The following ACTR5 variants were observed in gnomAD, a reference collection of about 807,000 sequenced individuals.
The protein encoded by ACTR5 is actin related protein 5, also known as actin-related protein 5.
Under a neutral mutation model 61.2 loss-of-function variants are expected in ACTR5, and 43 were observed. That is an observed-to-expected ratio of 0.70 (90% CI 0.55 to 0.91). The LOEUF is 0.91. Ranked by LOEUF, ACTR5 falls within the 40% of genes least tolerant of loss-of-function variation. ACTR5 has a pLI of 0.00. For missense variants in ACTR5, 798 were observed against 782.2 expected (o/e 1.02, Z -0.24); for synonymous variants, 333 against 310.5 (o/e 1.07, Z -0.76).
intron 5 of ACTR5, among the ~76,000 whole-genome samples, chr20:38,763,205 C>A (rs2084465136): frequency 1.3e-5 from 2 of 152,286 alleles, no homozygotes; most frequent in African/African-American, 4.8e-5. Context: ...AGATGACAAA[C>A]CACCAAATGA....
chr20:38,766,120 A>T, intron 6 of ACTR5, 118 bp from the exon 7 acceptor site: 1 of 1,128,334 alleles, frequency 8.9e-7, no homozygotes, highest in Non-Finnish European at 1.3e-6. Flanking sequence ...GAGAAGCTAT[A>T]CTGGCATTAA....
intron 5 of ACTR5, among the ~76,000 whole-genome samples, chr20:38,759,219 T>C (rs6128907): frequency 0.17 from 25,952 of 152,202 alleles, 2,174 homozygotes; most frequent in Admixed American, 0.19. Flanking sequence ...TGGCCTCTGC[T>C]TCTTCTTATG....
chr20:38,752,279 A>G lies in ACTR5; in HGVS notation c.754A>G (p.Ile252Val), dbSNP rs780128929. The change falls in exon 3 of 9, where the codon ATC becomes GTC. Residue 252 changes from isoleucine to valine, a missense_variant. Physicochemically the swap from Ile to Val is conservative, Grantham distance 29. Coordinates refer to ENST00000243903, the MANE Select transcript of ACTR5 (RefSeq NM_024855.4). ...MEEILHEHSY[I>V]AEDYVEELHK... ...GGAGATTCTGCATGAGCACAGCTAC[A>G]TCGCTGAGGATTATGTGGAAGGTAT... is the stretch of plus-strand genomic sequence containing the variant. 6.8e-6 allele frequency: 11 copies of G among 1,610,446 alleles called. No individual in the cohort carries two copies. The highest frequency in any genetic ancestry group is 2.7e-5 in the African/African-American group (2 of 74,868).
Position 38,748,712 on chromosome 20 carries a change from G to C in ACTR5, c.234G>C (p.Pro78=). The C allele has an allele frequency of 6.5e-7, 1 of 1,538,318 alleles. No individual in the cohort carries two copies. The highest frequency in any genetic ancestry group is 2.6e-5 in the East Asian group (1 of 39,198). ...GCGGGGCACGGGGCGCGTCGGGCCC[G>C]CAGGTGGGGAACGCTCTGGGCAGCC... ...GRGGARGASG[P]QVGNALGSLE... Residue 78 remains proline (P), a synonymous_variant, in exon 1 of 9, where the codon CCG becomes CCC. Coordinates refer to ENST00000243903, the MANE Select transcript of ACTR5 (RefSeq NM_024855.4).
chr20:38,750,110 C>T lies in ACTR5; in HGVS notation c.476C>T (p.Pro159Leu). 6.2e-7 allele frequency: 1 copy of T among 1,614,128 alleles called. No homozygotes were observed. Among genetic ancestry groups the T allele is most frequent in the Non-Finnish European group, 8.5e-7 (1 of 1,180,024 alleles). ...CTTCTTTTTGAGTGCTACGGGATTC[C>T]CAAGGTTGCCTATGGAATAGACAGC... Reference protein sequence around the residue: ...SELLFECYGIPKVAYGIDSLF... With the variant: ...SELLFECYGILKVAYGIDSLF... The change falls in exon 2 of 9, where the codon CCC (proline) becomes CTC (leucine). Residue 159 changes from proline (P) to leucine (L), a missense_variant. Physicochemically the swap from Pro to Leu is moderately conservative, Grantham distance 98. Transcript: ENST00000243903.
chr20:38,758,433 G>A (rs1209479204), intron 5 of ACTR5, among the ~76,000 whole-genome samples: 1 of 152,150 alleles, frequency 6.6e-6, no homozygotes, highest in African/African-American at 2.4e-5. Context: ...GATCACCTGA[G>A]GTCAGGAATT....
rs980004817 is a variant in ACTR5 at position 38,752,030 on chromosome 20, GT to G, written c.606-98del. On this transcript the variant is annotated intron_variant, in intron 2 of 8. Coordinates refer to ENST00000243903, the MANE Select transcript of ACTR5 (RefSeq NM_024855.4). ...GGTTTTGTATTTCTCCTGCTGGTCT[GT>G]TTCTTCTTTATCTGCCTTAAATTAT... The G allele has an allele frequency of 2.0e-5, 27 of 1,351,256 alleles. No individual in the cohort carries two copies. The African/African-American group carries it at 3.9e-4, about 20-fold the overall frequency. The allele number at this position is 1,351,256 out of a possible 1,614,324, so 83.7% of individuals were successfully genotyped here.
In ACTR5 at chr20:38,771,607, G is replaced by C; in HGVS notation, c.1615G>C (p.Asp539His). ...PVLDAWYGAR[D>H]WALNHLDDNE... is the part of the protein sequence containing the mutation. ...GCTGGATGCCTGGTACGGTGCTCGT[G>C]ACTGGGCCTTGAACCACCTAGATGA... Residue 539 changes from aspartate to histidine, a missense_variant, in exon 9 of 9, where the codon GAC becomes CAC. Coordinates refer to ENST00000243903, the MANE Select transcript of ACTR5 (RefSeq NM_024855.4). 6.2e-7 allele frequency: 1 copy of C among 1,614,142 alleles called. No homozygotes were observed. Among genetic ancestry groups the C allele is most frequent in the South Asian group, 1.1e-5 (1 of 91,062 alleles).
At chr20:38,749,021 C>T (rs1257530933) in intron 1 of ACTR5, among the ~76,000 whole-genome samples, 168 bp downstream of exon 1, 1 of 152,178 alleles carries the variant, frequency 6.6e-6, no homozygotes, top group Non-Finnish European at 1.5e-5. Context: ...AAATGCTGCT[C>T]CTTGTATCTT....
chr20:38,765,447 A>T lies in ACTR5; in HGVS notation c.1222A>T (p.Ser408Cys), dbSNP rs749930437. 2.5e-6 allele frequency: 4 copies of T among 1,614,072 alleles called. No individual in the cohort carries two copies. The Admixed American group carries it at 5.0e-5, about 20-fold the overall frequency. The change falls in exon 6 of 9, where the codon AGC becomes TGC. Residue 408 changes from serine (S) to cysteine (C), a missense_variant. Physicochemically the swap from Ser to Cys is moderately radical, Grantham distance 112. Coordinates refer to ENST00000243903, the MANE Select transcript of ACTR5 (RefSeq NM_024855.4). ...GGAGCCGTCTTTGGAAGATGTGGAA[A>T]GCATGAATGATTTTGATCCCTTGTT... ...QLEPSLEDVE[S>C]MNDFDPLFSE...
At chr20:38,751,762 G>C (rs950578577) in intron 2 of ACTR5, among the ~76,000 whole-genome samples, 7 of 152,268 alleles carry the variant, frequency 4.6e-5, no homozygotes, top group African/African-American at 1.7e-4. Context: ...TTAAAATGCA[G>C]ATCCCCAGGC....
In ACTR5 at chr20:38,772,471, A is replaced by T. The variant is rs1005705178; in HGVS notation, c.*655A>T. 1 of 152,542 alleles carries T rather than the reference A, an allele frequency of 6.6e-6. No individual in the cohort carries two copies. Among genetic ancestry groups the T allele is most frequent in the Non-Finnish European group, 1.5e-5 (1 of 68,262 alleles). The allele number at this position is 152,542 out of a possible 1,614,324, so 9.4% of individuals were successfully genotyped here. On this transcript the variant is annotated 3_prime_UTR_variant, in exon 9 of 9. Coordinates refer to ENST00000243903, the MANE Select transcript of ACTR5 (RefSeq NM_024855.4). ...TTGTCTCTAAAAAGATACATTTTTCATAAAAGGTAATGTTTATTCAATAAA... is the reference window on the plus strand; with the variant it reads ...TTGTCTCTAAAAAGATACATTTTTCTTAAAAGGTAATGTTTATTCAATAAA...
In ACTR5 at chr20:38,754,874, C is replaced by T. The variant is rs2757520; in HGVS notation, c.776-83C>T. 5 of 1,412,780 alleles carry T rather than the reference C, an allele frequency of 3.5e-6. No individual in the cohort carries two copies. The South Asian group carries it at 6.3e-5, about 18-fold the overall frequency. 87.5% of individuals were successfully genotyped at this position (1,412,780 alleles called of 1,614,324 possible). A position where few individuals can be genotyped will look rare whatever the true frequency, so the allele number is the denominator to read the frequency against. ...AAAGTGCTGGGATTACAGGCGTGAG[C>T]CCCTGCGCCCAGCTGGTATTGACTT... On this transcript the variant is annotated intron_variant, in intron 3 of 8. Coordinates refer to ENST00000243903, the MANE Select transcript of ACTR5 (RefSeq NM_024855.4).
At position 38,767,501 on chromosome 20, in the gene ACTR5, G is replaced by A. The variant is rs200364249; in HGVS notation, c.1471G>A (p.Val491Ile). 491 of 1,614,080 alleles carry A rather than the reference G, an allele frequency of 3.0e-4. 4 individuals carry two copies. The highest frequency in any genetic ancestry group is 3.0e-3 in the South Asian group (270 of 91,084). The change falls in exon 8 of 9, where the codon GTT becomes ATT. Residue 491 changes from valine to isoleucine, a missense_variant. Val to Ile is a conservative substitution (Grantham distance 29). Coordinates refer to ENST00000243903, the MANE Select transcript of ACTR5 (RefSeq NM_024855.4). ...KDIQEMLVQN[V>I]FLTGGNTMYP... The stretch of plus-strand genomic sequence containing the variant: ...CATTCAGGAAATGCTGGTTCAGAAC[G>A]TTTTCCTCACTGGCGGCAACACGAT...
chr20:38,764,167 T>C (rs1435137540), intron 5 of ACTR5, among the ~76,000 whole-genome samples: 1 of 152,228 alleles, frequency 6.6e-6, no homozygotes, highest in Non-Finnish European at 1.5e-5. Flanking sequence ...CTCTGAATTA[T>C]GTTGGTGATT....
In ACTR5 at chr20:38,755,924, C is replaced by G. The variant is rs562975557; in HGVS notation, c.1061C>G (p.Pro354Arg). Residue 354 changes from proline (P) to arginine (R), a missense_variant, in exon 5 of 9, where the codon CCA becomes CGA. Coordinates refer to ENST00000243903, the MANE Select transcript of ACTR5 (RefSeq NM_024855.4). ...KALIELNMDSPEELQSYIQKL... is the reference protein window; with the variant it reads ...KALIELNMDSREELQSYIQKL... ...CTGATAGAGCTGAATATGGACTCCC[C>G]AGAAGAGCTGCAGTCCTACATCCAG... 1.4e-5 allele frequency: 23 copies of G among 1,614,170 alleles called. 1 individual carries two copies. The highest frequency in any genetic ancestry group is 8.8e-5 in the South Asian group (8 of 91,082).
At position 38,766,137 on chromosome 20, in the gene ACTR5, A is replaced by G. The variant is rs1456215496; in HGVS notation, c.1294-101A>G. On this transcript the variant is annotated intron_variant, in intron 6 of 8. Coordinates refer to ENST00000243903, the MANE Select transcript of ACTR5 (RefSeq NM_024855.4). ...GAAGCTATACTGGCATTAACAAGGG[A>G]CAGAAACTATTGGGATTAAGAAACG... The G allele has an allele frequency of 6.7e-6, 9 of 1,352,474 alleles. No individual in the cohort carries two copies. In the South Asian group the frequency reaches 1.3e-4, roughly 19 times the overall value. 83.8% of individuals were successfully genotyped at this position (1,352,474 alleles called of 1,614,324 possible). A position where few individuals can be genotyped will look rare whatever the true frequency, so the allele number is the denominator to read the frequency against.
chr20:38,752,441 G>A (rs2084392912), intron 3 of ACTR5, 141 bp downstream of exon 3: 2 of 973,002 alleles, frequency 2.1e-6, no homozygotes, highest in South Asian at 2.1e-5. Context: ...AAACTATTCA[G>A]TAAACTGATA....
chr20:38,765,019 G>A (rs1028382625), intron 5 of ACTR5, among the ~76,000 whole-genome samples: 4 of 152,214 alleles, frequency 2.6e-5, no homozygotes, highest in African/African-American at 9.6e-5. Flanking sequence ...AACTTTGCTG[G>A]TAGTCTAGCT....
Sources: gnomAD v4.1 joint callset for allele counts (sites outside exome capture counted in the v4.1 genomes callset) on GRCh38, gnomAD v4.1.1 for gene constraint, MANE v1.5 for transcripts, NCBI Gene and HGNC (gene_info 2026-07-23, HGNC 2026-07-21) for gene names.